RAP1GDS1: variants seen among roughly 807,000 people sequenced by gnomAD.
RAP1GDS1 encodes RAP1, GTP-GDP dissociation stimulator 1.
A neutral mutation model predicts 71.1 loss-of-function variants in RAP1GDS1; 35 were observed. The ratio of observed to expected loss-of-function variants is 0.49; its 90% CI spans 0.38 to 0.65. The LOEUF is 0.65. Among genes scored for constraint, RAP1GDS1 ranks in the 30% least tolerant of loss-of-function variants. The probability of loss-of-function intolerance (pLI) is 0.00; values close to 1 mark genes in which losing one functional copy is unlikely to be tolerated. For missense variants in RAP1GDS1, 663 were observed against 706.1 expected (o/e 0.94, Z 0.69); for synonymous variants, 229 against 243.1 (o/e 0.94, Z 0.54).
intron 12 of RAP1GDS1, among the ~76,000 whole-genome samples, chr4:98,423,575 G>A (rs142096022): frequency 0.015 from 2,291 of 151,308 alleles, 44 homozygotes; most frequent in African/African-American, 0.052. Context: ...ACAGAGTTTC[G>A]CTCTTGTTGC....
intron 6 of RAP1GDS1, among the ~76,000 whole-genome samples, chr4:98,397,542 G>A (rs547465303): frequency 6.6e-6 from 1 of 152,224 alleles, no homozygotes; most frequent in South Asian, 2.1e-4. Flanking sequence ...AAAAGCAGGA[G>A]AGAGGATTGT....
intron 4 of RAP1GDS1, among the ~76,000 whole-genome samples, chr4:98,369,092 G>T (rs1328480645): frequency 1.3e-5 from 2 of 152,144 alleles, no homozygotes; most frequent in Non-Finnish European, 2.9e-5. Context: ...CAGGGGAACT[G>T]CCCTTTATAA....
chr4:98,284,975 T>G (rs1725761665), intron 1 of RAP1GDS1, among the ~76,000 whole-genome samples: 2 of 152,190 alleles, frequency 1.3e-5, no homozygotes, highest in Admixed American at 6.5e-5. Flanking sequence ...TTTGAGACTC[T>G]GCATCAAGGC....
intron 4 of RAP1GDS1, among the ~76,000 whole-genome samples, chr4:98,371,839 C>G (rs1740432948): frequency 1.3e-5 from 2 of 152,138 alleles, no homozygotes; most frequent in African/African-American, 4.8e-5. Context: ...CATGGTATAT[C>G]TTTTACCAAC....
chr4:98,431,517 T>C (rs1392026103), intron 12 of RAP1GDS1, among the ~76,000 whole-genome samples: 1 of 152,244 alleles, frequency 6.6e-6, no homozygotes, highest in African/African-American at 2.4e-5. Flanking sequence ...AATAGAACTA[T>C]GAAATAAAAC....
At chr4:98,429,006 C>A (rs1750010411) in intron 12 of RAP1GDS1, among the ~76,000 whole-genome samples, 1 of 152,150 alleles carries the variant, frequency 6.6e-6, no homozygotes, top group South Asian at 2.1e-4. Flanking sequence ...CGCCTGTAAT[C>A]CCAACACTAT....
rs1424129786 is a variant in RAP1GDS1 at position 98,443,571 on chromosome 4, A to G, written c.*1454A>G. 9.0e-6 allele frequency: 2 copies of G among 223,342 alleles called. No homozygotes were observed. The highest frequency in any genetic ancestry group is 5.7e-5 in the Admixed American group (1 of 17,408). The allele number at this position is 223,342 out of a possible 1,614,324, so 13.8% of individuals were successfully genotyped here. ...TCCTTCCTCTCCAACATGTGATGCT[A>G]CACATCTCTGTGGATAATCTAAGTT... On this transcript the variant is annotated 3_prime_UTR_variant, in exon 15 of 15. Coordinates refer to ENST00000408927, the MANE Select transcript of RAP1GDS1 (RefSeq NM_001100427.2).
At chr4:98,294,986 A>G (rs933599708) in intron 2 of RAP1GDS1, among the ~76,000 whole-genome samples, 11 of 151,974 alleles carry the variant, frequency 7.2e-5, no homozygotes, top group Admixed American at 2.0e-4. Flanking sequence ...TAAATAGACC[A>G]TTTGCTTTAG....
At position 98,363,478 on chromosome 4, in the gene RAP1GDS1, C is replaced by CAAAAAAAAAAAAAAAAAAAA. The variant is rs34393905; in HGVS notation, c.361+10885_361+10904dup. ...CCTAAATAACAGTGAGACCCTGTCT[C>CAAAAAAAAAAAAAAAAAAAA]AAAAAAAAAAAAAAAAAAAAAAAAA... On this transcript the variant is annotated intron_variant, in intron 4 of 14. Transcript: ENST00000408927. Among the ~76,000 whole-genome samples the CAAAAAAAAAAAAAAAAAAAA allele has an allele frequency of 4.0e-4, 15 of 37,728 alleles. 1 individual carries two copies. The highest frequency in any genetic ancestry group is 1.4e-3 in the African/African-American group (14 of 10,114). The allele number at this position is 37,728 out of a possible 152,430, so 24.8% of individuals were successfully genotyped here.
chr4:98,366,249 A>G (rs1739467379), intron 4 of RAP1GDS1, among the ~76,000 whole-genome samples: 1 of 152,062 alleles, frequency 6.6e-6, no homozygotes, highest in Non-Finnish European at 1.5e-5. Context: ...TCTGATGGTT[A>G]TTATAAGGGG....
intron 7 of RAP1GDS1, among the ~76,000 whole-genome samples, chr4:98,407,170 T>G (rs1746242896): frequency 2.6e-5 from 4 of 152,148 alleles, no homozygotes. Flanking sequence ...TCTGATAATC[T>G]TTTGTATTTC....
chr4:98,442,717 T>C lies in RAP1GDS1; in HGVS notation c.*600T>C, dbSNP rs1397698675. ...TAGACTATTGAAACTGCCACAAACT[T>C]GGCAAGACTTTCTGAGGTTTCTGAT... On this transcript the variant is annotated 3_prime_UTR_variant, in exon 15 of 15. Coordinates refer to ENST00000408927, the MANE Select transcript of RAP1GDS1 (RefSeq NM_001100427.2). The C allele has an allele frequency of 8.8e-6, 2 of 227,860 alleles. No homozygotes were observed. Among genetic ancestry groups the C allele is most frequent in the African/African-American group, 4.4e-5 (2 of 45,060 alleles). The allele number at this position is 227,860 out of a possible 1,614,324, so 14.1% of individuals were successfully genotyped here.
rs188990319 is a variant in RAP1GDS1 at position 98,341,088 on chromosome 4, A to G, written c.113-2051A>G. 4.6e-5 allele frequency among the ~76,000 whole-genome samples: 7 copies of G among 152,244 alleles called. No individual in the cohort carries two copies. The East Asian group carries it at 1.3e-3, about 29-fold the overall frequency. ...TATTGGACAGTGGTGTTTGAGTGAT[A>G]AAGTACAAATTTGTTCTTTACTTTT... On this transcript the variant is annotated intron_variant, in intron 2 of 14. Coordinates refer to ENST00000408927, the MANE Select transcript of RAP1GDS1 (RefSeq NM_001100427.2).
intron 4 of RAP1GDS1, among the ~76,000 whole-genome samples, chr4:98,374,602 T>C (rs560874320): frequency 1.1e-4 from 17 of 152,310 alleles, no homozygotes; most frequent in Middle Eastern, 3.4e-3. Flanking sequence ...ATCTCTGGAA[T>C]TGAGCGCACT....
intron 14 of RAP1GDS1, among the ~76,000 whole-genome samples, chr4:98,439,647 T>G (rs1045131503): frequency 1.3e-5 from 2 of 152,188 alleles, no homozygotes; most frequent in African/African-American, 4.8e-5. Flanking sequence ...TAATTTCTAT[T>G]GTTTTATCTT....
intron 2 of RAP1GDS1, among the ~76,000 whole-genome samples, chr4:98,341,164 A>G (rs1735454412): frequency 6.6e-6 from 1 of 152,254 alleles, no homozygotes; most frequent in Admixed American, 6.5e-5. Flanking sequence ...CTAAACCTAT[A>G]TAGAAATCTA....
intron 12 of RAP1GDS1, among the ~76,000 whole-genome samples, chr4:98,423,771 C>T (rs1260318760): frequency 6.6e-6 from 1 of 151,950 alleles, no homozygotes; most frequent in Non-Finnish European, 1.5e-5. Flanking sequence ...CTCAAACTGC[C>T]GACCTCAGGT....
At chr4:98,377,758 C>T (rs1741374413) in intron 4 of RAP1GDS1, among the ~76,000 whole-genome samples, 1 of 151,614 alleles carries the variant, frequency 6.6e-6, no homozygotes, top group Non-Finnish European at 1.5e-5. Context: ...AAATGAAAAT[C>T]TTTCAAATTG....
chr4:98,369,690 G>A (rs1740065255), intron 4 of RAP1GDS1, among the ~76,000 whole-genome samples: 1 of 152,188 alleles, frequency 6.6e-6, no homozygotes, highest in African/African-American at 2.4e-5. Flanking sequence ...GACCAGAGGT[G>A]GAGGGAAAGA....
Sources: allele counts gnomAD v4.1 joint callset (sites outside exome capture counted in the v4.1 genomes callset), GRCh38; gene constraint gnomAD v4.1.1; transcripts MANE v1.5; gene names NCBI Gene and HGNC (gene_info 2026-07-23, HGNC 2026-07-21).